MAP4K3: variants seen among roughly 807,000 people sequenced by gnomAD.
The protein encoded by MAP4K3 is mitogen-activated protein kinase kinase kinase kinase 3.
Under a neutral mutation model 143.5 loss-of-function variants are expected in MAP4K3, and 94 were observed. The ratio of observed to expected loss-of-function variants is 0.65; its 90% CI spans 0.55 to 0.78. The LOEUF (loss-of-function observed/expected upper bound fraction) is 0.78. Among genes scored for constraint, MAP4K3 ranks in the 30% least tolerant of loss-of-function variants. MAP4K3 has a pLI of 0.00. For missense variants in MAP4K3, 1,077 were observed against 1,068.1 expected, an observed-to-expected ratio of 1.01 and a Z score of -0.12; for synonymous variants, 416 against 347.2, an observed-to-expected ratio of 1.20 and a Z score of -2.20.
intron 15 of MAP4K3, among the ~76,000 whole-genome samples, 193 bp downstream of exon 15, chr2:39,307,750 G>T (rs893345807): frequency 6.6e-6 from 1 of 151,722 alleles, no homozygotes; most frequent in Non-Finnish European, 1.5e-5. Flanking sequence ...TATTACTACA[G>T]CATTATATTT....
At chr2:39,422,924 A>T (rs7566368) in intron 1 of MAP4K3, among the ~76,000 whole-genome samples, 10,341 of 152,194 alleles carry the variant, frequency 0.068, 1,189 homozygotes, top group African/African-American at 0.24. Context: ...AAAACTGATA[A>T]GCTGGACATC....
intron 3 of MAP4K3, among the ~76,000 whole-genome samples, chr2:39,352,731 C>T (rs1181027239): frequency 6.6e-6 from 1 of 152,126 alleles, no homozygotes; most frequent in Non-Finnish European, 1.5e-5. Flanking sequence ...CATAAGCGAG[C>T]ACAGCTACCC....
chr2:39,414,698 A>AC (rs906902868), intron 1 of MAP4K3, among the ~76,000 whole-genome samples: 130 of 152,246 alleles, frequency 8.5e-4, no homozygotes, highest in African/African-American at 2.9e-3. Flanking sequence ...ACACGGTGAA[A>AC]CCCCGTCTCT....
chr2:39,431,934 A>G (rs1405349170), intron 1 of MAP4K3, among the ~76,000 whole-genome samples: 1 of 152,200 alleles, frequency 6.6e-6, no homozygotes, highest in East Asian at 1.9e-4. Context: ...TCAAATCACT[A>G]TGCTGTGCTA....
At chr2:39,337,402 A>C (rs1023291725) in intron 5 of MAP4K3, 124 bp downstream of exon 5, 1 of 610,618 alleles carries the variant, frequency 1.6e-6, no homozygotes, top group Non-Finnish European at 2.9e-6. Flanking sequence ...AAATGTATTA[A>C]AACTCATTTT....
At chr2:39,261,368 C>T (rs1439621767) in intron 28 of MAP4K3, among the ~76,000 whole-genome samples, 1 of 151,980 alleles carries the variant, frequency 6.6e-6, no homozygotes, top group Non-Finnish European at 1.5e-5. Flanking sequence ...AATTCACATT[C>T]TGAAGGACAA....
chr2:39,301,675 GTAA>G (rs1252010470), intron 15 of MAP4K3, among the ~76,000 whole-genome samples: 1 of 151,952 alleles, frequency 6.6e-6, no homozygotes, highest in Non-Finnish European at 1.5e-5. Flanking sequence ...TAAAAGGCTG[GTAA>G]TAATGATTAA....
rs752249176 is a variant in MAP4K3, at chr2:39,437,004, C to T, written c.-17G>A. 1 of 1,602,968 alleles carries T rather than the reference C, an allele frequency of 6.2e-7. No individual in the cohort carries two copies. Among genetic ancestry groups the T allele is most frequent in the South Asian group, 1.1e-5 (1 of 90,384 alleles). On this transcript the variant is annotated 5_prime_UTR_variant, in exon 1 of 34. Transcript: ENST00000263881. ...GGGGTTCATGGCGGGCCCCAGGTGCCCCCCGCCTCCCTCCCGGGCAGGGGA... is the reference window on the plus strand; with the variant it reads ...GGGGTTCATGGCGGGCCCCAGGTGCTCCCCGCCTCCCTCCCGGGCAGGGGA...
intron 32 of MAP4K3, among the ~76,000 whole-genome samples, chr2:39,253,383 C>T (rs908470825): frequency 1.3e-5 from 2 of 152,304 alleles, no homozygotes; most frequent in East Asian, 1.9e-4. Context: ...CCGCCCGCCT[C>T]GGCCTCCCAA....
chr2:39,312,275 T>G (rs1682966493), intron 13 of MAP4K3, among the ~76,000 whole-genome samples: 1 of 152,112 alleles, frequency 6.6e-6, no homozygotes, highest in Non-Finnish European at 1.5e-5. Flanking sequence ...CACAGCTCAT[T>G]ATCATTTTCT....
chr2:39,401,716 G>T (rs912896767), intron 1 of MAP4K3, among the ~76,000 whole-genome samples: 1 of 152,030 alleles, frequency 6.6e-6, no homozygotes, highest in Non-Finnish European at 1.5e-5. Flanking sequence ...TGGGCATTTC[G>T]CTTGAGCAGG....
chr2:39,262,082 G>C (rs914273839), intron 28 of MAP4K3, among the ~76,000 whole-genome samples: 4 of 151,832 alleles, frequency 2.6e-5, no homozygotes, highest in African/African-American at 9.7e-5. Flanking sequence ...TTATAAACTG[G>C]CTGTGTTTTC....
intron 18 of MAP4K3, among the ~76,000 whole-genome samples, chr2:39,292,355 A>C (rs1381342493): frequency 6.6e-6 from 1 of 152,210 alleles, no homozygotes; most frequent in Admixed American, 6.5e-5. Context: ...AGCTTAAATG[A>C]GGTTGTAACA....
In MAP4K3 at chr2:39,356,255, T is replaced by C. The variant is rs1159528746; in HGVS notation, c.239A>G (p.Tyr80Cys). The part of the protein sequence containing the change: ...HPNIVAYFGS[Y>C]LRRDKLWICM... The stretch of plus-strand genomic sequence containing the variant: ...AGGGAAACAAACAGTATACCTGAGA[T>C]AGCTTCCAAAATAAGCAACAATATT... Residue 80 changes from tyrosine (Y) to cysteine (C), a missense_variant, in exon 3 of 34, where the codon TAT becomes TGT. This residue lies in a region of MAP4K3 where 213 missense variants were observed against 266.8 expected (regional missense o/e 0.80). Coordinates refer to ENST00000263881, the MANE Select transcript of MAP4K3 (RefSeq NM_003618.4). The C allele has an allele frequency of 8.8e-6, 14 of 1,583,936 alleles. No individual in the cohort carries two copies. The highest frequency in any genetic ancestry group is 1.2e-5 in the Non-Finnish European group (14 of 1,159,602).
intron 6 of MAP4K3, among the ~76,000 whole-genome samples, chr2:39,335,393 G>A (rs1664912288): frequency 6.6e-6 from 1 of 152,112 alleles, no homozygotes; most frequent in Non-Finnish European, 1.5e-5. Flanking sequence ...TAGAAATGGT[G>A]GCGATGACCC....
intron 15 of MAP4K3, among the ~76,000 whole-genome samples, chr2:39,303,696 G>A (rs1016528581): frequency 2.6e-5 from 4 of 152,038 alleles, no homozygotes; most frequent in African/African-American, 7.2e-5. Flanking sequence ...GCACCACCAT[G>A]CCCAGCTAAT....
At chr2:39,357,055 T>A (rs1251094684) in intron 2 of MAP4K3, among the ~76,000 whole-genome samples, 3 of 152,216 alleles carry the variant, frequency 2.0e-5, no homozygotes, top group Non-Finnish European at 4.4e-5. Flanking sequence ...TGTGTTATAA[T>A]GCAGAATGGG....
chr2:39,381,709 G>C (rs1325781061), intron 1 of MAP4K3, among the ~76,000 whole-genome samples: 1 of 152,082 alleles, frequency 6.6e-6, no homozygotes, highest in Non-Finnish European at 1.5e-5. Context: ...ATGAAATTGT[G>C]AAATACCACA....
At chr2:39,407,535 T>TA (rs1407787261) in intron 1 of MAP4K3, among the ~76,000 whole-genome samples, 1 of 152,204 alleles carries the variant, frequency 6.6e-6, no homozygotes, top group Non-Finnish European at 1.5e-5. Flanking sequence ...GTTATCTGCC[T>TA]AAACAGGTTT....
Sources: gnomAD v4.1 joint callset for allele counts (sites outside exome capture counted in the v4.1 genomes callset) on GRCh38, gnomAD v4.1.1 for gene constraint, gnomAD v4.1.1 regional missense constraint, MANE v1.5 for transcripts, NCBI Gene and HGNC (gene_info 2026-07-23, HGNC 2026-07-21) for gene names.